Variants in LIPK observed in about 807,000 individuals in gnomAD.
The protein encoded by LIPK is lipase family member K.
Under a neutral mutation model 48.6 loss-of-function variants are expected in LIPK, and 32 were observed. That is an observed-to-expected ratio of 0.66 (90% CI 0.50 to 0.88). LIPK has a LOEUF of 0.88. LIPK is among the 40% of genes least tolerant of loss of function. The pLI, the probability that LIPK is intolerant of heterozygous loss-of-function variation, is 0.00. For missense variants in LIPK, 507 were observed against 478.5 expected (o/e 1.06, Z -0.56); for synonymous variants, 164 against 157.4 (o/e 1.04, Z -0.32).
intron 1 of LIPK, among the ~76,000 whole-genome samples, chr10:88,709,121 ATGAT>A (rs1399212280): frequency 6.6e-6 from 1 of 152,116 alleles, no homozygotes; most frequent in African/African-American, 2.4e-5. Context: ...TCCATTGATG[ATGAT>A]TATTTATTGA....
intron 1 of LIPK, among the ~76,000 whole-genome samples, chr10:88,706,659 G>T (rs898996119): frequency 3.3e-5 from 5 of 152,132 alleles, no homozygotes; most frequent in Admixed American, 6.6e-5. Flanking sequence ...GCATCTAGGG[G>T]TTTGGGAAAT....
chr10:88,742,058 G>C (rs1842688730), intron 8 of LIPK, among the ~76,000 whole-genome samples: 1 of 152,106 alleles, frequency 6.6e-6, no homozygotes, highest in Non-Finnish European at 1.5e-5. Context: ...GGTGGAGCAG[G>C]AGAGAGAGAG....
chr10:88,744,089 G>A (rs1315038921), intron 9 of LIPK, among the ~76,000 whole-genome samples: 2 of 152,178 alleles, frequency 1.3e-5, no homozygotes, highest in Admixed American at 6.5e-5. Flanking sequence ...AACAGAACAG[G>A]GCTATCTTAC....
chr10:88,740,818 A>C (rs1159168236), intron 8 of LIPK, among the ~76,000 whole-genome samples: 5 of 151,134 alleles, frequency 3.3e-5, no homozygotes, highest in African/African-American at 9.7e-5. Context: ...ACCCCCCCCC[A>C]ACCAGGAATT....
At chr10:88,717,528 A>G (rs1449589136) in intron 1 of LIPK, among the ~76,000 whole-genome samples, 1 of 152,160 alleles carries the variant, frequency 6.6e-6, no homozygotes, top group Non-Finnish European at 1.5e-5. Flanking sequence ...AAAGGCCCAC[A>G]CTATAGGTCT....
Position 88,736,585 on chromosome 10 carries a change from G to A in LIPK, c.670-1050G>A, listed in dbSNP as rs529112670. Reference sequence around the variant, plus strand: ...AAAAGGCAGGATCTGACTTTAACCGGTAAACAAATTTATTTTTTATTTATC... The same window carrying A: ...AAAAGGCAGGATCTGACTTTAACCGATAAACAAATTTATTTTTTATTTATC... On this transcript the variant is annotated intron_variant, in intron 6 of 9. Transcript: ENST00000404190. 1.1e-4 allele frequency among the ~76,000 whole-genome samples: 16 copies of A among 152,234 alleles called. No homozygotes were observed. In the South Asian group the frequency reaches 2.9e-3, roughly 28 times the overall value.
At chr10:88,709,513 G>A (rs929815882) in intron 1 of LIPK, among the ~76,000 whole-genome samples, 2 of 151,750 alleles carry the variant, frequency 1.3e-5, no homozygotes, top group Non-Finnish European at 2.9e-5. Context: ...ACCTATGAGT[G>A]AGAACATGCG....
chr10:88,729,623 G>C (rs1842424978), intron 3 of LIPK, among the ~76,000 whole-genome samples: 1 of 152,166 alleles, frequency 6.6e-6, no homozygotes, highest in Non-Finnish European at 1.5e-5. Context: ...TGAGATCCCT[G>C]TGATTTGTCT....
intron 8 of LIPK, among the ~76,000 whole-genome samples, chr10:88,740,817 CA>C (rs1382169153): frequency 1.3e-5 from 2 of 151,054 alleles, no homozygotes; most frequent in East Asian, 1.9e-4. Flanking sequence ...GACCCCCCCC[CA>C]ACCAGGAATT....
At chr10:88,742,972 G>A (rs557858406) in intron 8 of LIPK, among the ~76,000 whole-genome samples, 1 of 152,250 alleles carries the variant, frequency 6.6e-6, no homozygotes, top group East Asian at 1.9e-4. Flanking sequence ...AAATATTTCT[G>A]TGTGTAACAT....
intron 8 of LIPK, 31 bp downstream of exon 8, chr10:88,740,098 A>G: frequency 6.4e-7 from 1 of 1,562,416 alleles, no homozygotes; most frequent in Non-Finnish European, 8.8e-7. Flanking sequence ...CTTGATGCAC[A>G]CATATCTCTG....
At chr10:88,721,620 T>C (rs1477083204) in intron 1 of LIPK, among the ~76,000 whole-genome samples, 1 of 152,242 alleles carries the variant, frequency 6.6e-6, no homozygotes, top group African/African-American at 2.4e-5. Context: ...CTCCCAGCTC[T>C]TCCTATAAGC....
chr10:88,710,738 T>A (rs1479638342), intron 1 of LIPK, among the ~76,000 whole-genome samples: 1 of 152,216 alleles, frequency 6.6e-6, no homozygotes, highest in Admixed American at 6.5e-5. Context: ...AATGGACATT[T>A]GTATTATTTT....
chr10:88,733,453 G>A (rs1056905824), intron 6 of LIPK, among the ~76,000 whole-genome samples: 4 of 152,188 alleles, frequency 2.6e-5, no homozygotes, highest in African/African-American at 4.8e-5. Context: ...AAGATTTACC[G>A]AAGATTCTCA....
intron 5 of LIPK, 48 bp downstream of exon 5, chr10:88,732,335 C>T (rs1474861498): frequency 1.3e-6 from 2 of 1,591,214 alleles, no homozygotes; most frequent in Non-Finnish European, 1.7e-6. Context: ...GCTCTTCTTC[C>T]ATATGGCTAC....
intron 9 of LIPK, among the ~76,000 whole-genome samples, chr10:88,750,340 A>G (rs1308274867): frequency 6.6e-6 from 1 of 152,236 alleles, no homozygotes; most frequent in African/African-American, 2.4e-5. Flanking sequence ...TCTATCAAAA[A>G]GACACATGTA....
chr10:88,719,425 T>C (rs1199179681), intron 1 of LIPK, among the ~76,000 whole-genome samples: 4 of 152,232 alleles, frequency 2.6e-5, no homozygotes, highest in Non-Finnish European at 5.9e-5. Context: ...CTGTGGCTCA[T>C]AGCCAGTTTT....
rs1296192529 is a variant in LIPK at position 88,732,694 on chromosome 10, T to C, written c.669+143T>C. 9.6e-6 allele frequency: 8 copies of C among 837,452 alleles called. No homozygotes were observed. The South Asian group carries it at 1.3e-4, about 13-fold the overall frequency. 51.9% of individuals were successfully genotyped at this position (837,452 alleles called of 1,614,324 possible). ...TATCCATGTAAGTTCACTGATGATG[T>C]ATGCAATCTTATTAGCAGAGTTCAG... On this transcript the variant is annotated intron_variant, in intron 6 of 9. Coordinates refer to ENST00000404190, the MANE Select transcript of LIPK (RefSeq NM_001080518.2).
intron 3 of LIPK, chr10:88,728,153 C>T: frequency 4.8e-6 from 1 of 209,920 alleles, no homozygotes; most frequent in Non-Finnish European, 9.8e-6. Context: ...AATAAGTAGT[C>T]TCGCCTAAAA....
Sources: gnomAD v4.1 joint callset for allele counts (sites outside exome capture counted in the v4.1 genomes callset) on GRCh38, gnomAD v4.1.1 for gene constraint, MANE v1.5 for transcripts, NCBI Gene and HGNC (gene_info 2026-07-23, HGNC 2026-07-21) for gene names.